IFI16: variants seen among roughly 807,000 people sequenced by gnomAD.
IFI16 encodes the protein gamma-interferon-inducible protein 16.
A neutral mutation model predicts 68.4 loss-of-function variants in IFI16; 49 were observed. The observed-to-expected ratio is 0.72, with a 90% confidence interval of 0.57 to 0.91. IFI16 has a LOEUF of 0.91. Among genes scored for constraint, IFI16 ranks in the 40% least tolerant of loss-of-function variants. The pLI is 0.00. For missense variants in IFI16, 878 were observed against 942.9 expected (o/e 0.93, Z 0.90); for synonymous variants, 307 against 315.0 (o/e 0.97, Z 0.27).
chr1:159,008,764 TC>T (rs1187013828), upstream of IFI16, among the ~76,000 whole-genome samples: 6 of 152,232 alleles, frequency 3.9e-5, no homozygotes, highest in African/African-American at 1.4e-4. Flanking sequence ...CTTTGCTTTT[TC>T]TTGACTTACT....
chr1:159,036,503 C>T (rs1032140137), intron 7 of IFI16, among the ~76,000 whole-genome samples: 4 of 152,210 alleles, frequency 2.6e-5, no homozygotes, highest in African/African-American at 9.7e-5. Flanking sequence ...AGATTCAAAT[C>T]CAGCCTTAAT....
chr1:159,054,727 T>C (rs562577388), intron 11 of IFI16, 94 bp from the exon 12 acceptor site: 18 of 619,922 alleles, frequency 2.9e-5, no homozygotes, highest in Admixed American at 1.3e-4. Context: ...GGAAGAGATA[T>C]GGTGCAGGGG....
chr1:159,046,828 CCTTT>C (rs778637761), intron 8 of IFI16, among the ~76,000 whole-genome samples: 1 of 151,302 alleles, frequency 6.6e-6, no homozygotes, highest in Non-Finnish European at 1.5e-5. Context: ...TTCATAGGTA[CCTTT>C]CTATTTCTTT....
chr1:159,041,972 TC>T (rs1355097732), intron 7 of IFI16, among the ~76,000 whole-genome samples: 1 of 152,234 alleles, frequency 6.6e-6, no homozygotes, highest in African/African-American at 2.4e-5. Context: ...TGTGATGTTT[TC>T]TTAGCTCCAA....
At chr1:159,050,053 A>C (rs1448943429) in intron 9 of IFI16, among the ~76,000 whole-genome samples, 1 of 152,232 alleles carries the variant, frequency 6.6e-6, no homozygotes, top group African/African-American at 2.4e-5. Context: ...GCCACATTTC[A>C]GTACATGGTC....
intron 7 of IFI16, among the ~76,000 whole-genome samples, chr1:159,043,153 CT>C (rs1182198556): frequency 1.3e-5 from 2 of 152,142 alleles, no homozygotes; most frequent in East Asian, 1.9e-4. Flanking sequence ...ATATTTCCCC[CT>C]ATATAGTCTT....
chr1:159,006,366 C>G (rs1337525602), upstream of IFI16, among the ~76,000 whole-genome samples: 2 of 152,118 alleles, frequency 1.3e-5, no homozygotes, highest in African/African-American at 2.4e-5. Context: ...GCAACGGTAC[C>G]AGGTGCAAGG....
At chr1:159,026,955 A>G (rs551493204) in intron 6 of IFI16, among the ~76,000 whole-genome samples, 2 of 152,286 alleles carry the variant, frequency 1.3e-5, no homozygotes, top group East Asian at 3.9e-4. Context: ...TTTTCTAGGT[A>G]TACAATCATA....
chr1:159,025,141 T>C (rs774622662), intron 6 of IFI16, among the ~76,000 whole-genome samples: 7 of 152,354 alleles, frequency 4.6e-5, no homozygotes, highest in Non-Finnish European at 5.9e-5. Context: ...ATAATTTTTG[T>C]TGCATATCCT....
chr1:159,051,545 G>GTCT (rs1285025091), intron 9 of IFI16, 134 bp from the exon 10 acceptor site: 12 of 648,048 alleles, frequency 1.9e-5, no homozygotes, highest in Non-Finnish European at 3.0e-5. Context: ...AGTGATCTTT[G>GTCT]TCTAGTTTTC....
intron 7 of IFI16, among the ~76,000 whole-genome samples, chr1:159,042,445 C>T (rs1440446195): frequency 1.3e-5 from 2 of 152,146 alleles, no homozygotes; most frequent in African/African-American, 4.8e-5. Context: ...ATCCTTTCTC[C>T]TTTGCTCTCT....
At chr1:159,004,299 C>A (rs1011803235), upstream of IFI16, among the ~76,000 whole-genome samples, 1 of 151,578 alleles carries the variant, frequency 6.6e-6, no homozygotes, top group African/African-American at 2.4e-5. Flanking sequence ...CATGGCAAGA[C>A]CTTATCTCCA....
chr1:159,008,705 A>G (rs1396480947), upstream of IFI16, among the ~76,000 whole-genome samples: 4 of 152,162 alleles, frequency 2.6e-5, no homozygotes, highest in Non-Finnish European at 5.9e-5. Context: ...AGCCAGTAAA[A>G]GATTATCACG....
intron 1 of IFI16, among the ~76,000 whole-genome samples, chr1:159,014,080 T>G (rs1225152623): frequency 6.6e-6 from 1 of 152,094 alleles, no homozygotes; most frequent in Non-Finnish European, 1.5e-5. Flanking sequence ...TTCAGCAAAG[T>G]TATGGTTTTA....
Position 159,047,600 on chromosome 1 carries a change from C to T in IFI16, c.1498-1832C>T, listed in dbSNP as rs563407238. On this transcript the variant is annotated intron_variant, in intron 8 of 11. Coordinates refer to ENST00000295809, the MANE Select transcript of IFI16 (RefSeq NM_001376587.1). ...TTCTGCTGCTCTGAAAGCTCAGGAT[C>T]CAAGGCAGACTCATCCACCTAAACA... Among the ~76,000 whole-genome samples, 43 of 151,000 alleles carry T rather than the reference C, an allele frequency of 2.8e-4. 3 individuals are homozygous for T. The highest frequency in any genetic ancestry group is 5.6e-4 in the Non-Finnish European group (38 of 67,580).
chr1:159,040,862 C>T (rs564653462), intron 7 of IFI16, among the ~76,000 whole-genome samples: 8 of 152,240 alleles, frequency 5.3e-5, no homozygotes, highest in African/African-American at 1.7e-4. Flanking sequence ...AGAACACTAG[C>T]GTTCATAGTT....
intron 6 of IFI16, among the ~76,000 whole-genome samples, chr1:159,027,889 G>T (rs1281005160): frequency 1.3e-5 from 2 of 151,920 alleles, no homozygotes; most frequent in Non-Finnish European, 2.9e-5. Context: ...AACTTATTTT[G>T]ATCTTCTCTC....
chr1:159,022,417 A>G (rs1187528966), intron 6 of IFI16, among the ~76,000 whole-genome samples: 3 of 152,240 alleles, frequency 2.0e-5, no homozygotes, highest in Non-Finnish European at 4.4e-5. Context: ...TTTTGCCACA[A>G]GAGTATACGG....
chr1:159,016,553 A>G lies in IFI16; in HGVS notation c.402A>G (p.Lys134=). 6.2e-7 allele frequency: 1 copy of G among 1,601,746 alleles called. No individual in the cohort carries two copies. Among genetic ancestry groups the G allele is most frequent in the South Asian group, 1.1e-5 (1 of 88,250 alleles). The change falls in exon 4 of 12, where the codon AAA becomes AAG. Residue 134 remains lysine (K), a synonymous_variant. Coordinates refer to ENST00000295809, the MANE Select transcript of IFI16 (RefSeq NM_001376587.1). The part of the protein sequence containing the change: ...PGAQKRKKST[K]EKAGPKGSKV... ...TTCAGAAAAGAAAAAAATCAACCAAAGAAAAGGCTGGACCCAAAGGGAGTA... is the reference window on the plus strand; with the variant it reads ...TTCAGAAAAGAAAAAAATCAACCAAGGAAAAGGCTGGACCCAAAGGGAGTA...
Sources: allele counts gnomAD v4.1 joint callset (sites outside exome capture counted in the v4.1 genomes callset), GRCh38; gene constraint gnomAD v4.1.1; transcripts MANE v1.5; gene names NCBI Gene and HGNC (gene_info 2026-07-23, HGNC 2026-07-21).